Variants in OTOGL observed in about 807,000 individuals in gnomAD.
OTOGL encodes otogelin like, also known as otogelin-like protein.
Under a neutral mutation model 318.5 loss-of-function variants are expected in OTOGL, and 285 were observed. The ratio of observed to expected loss-of-function variants is 0.89; its 90% CI spans 0.81 to 0.99. The LOEUF is 0.99. Ranked by LOEUF, OTOGL falls within the 50% of genes least tolerant of loss-of-function variation. OTOGL has a pLI of 0.00. For synonymous variants in OTOGL, 987 were observed against 936.5 expected, an observed-to-expected ratio of 1.05 and a Z score of -0.99; for missense variants, 2,899 against 2,845.6, an observed-to-expected ratio of 1.02 and a Z score of -0.43.
At chr12:80,178,838 G>A (rs559637050) in intron 1 of OTOGL, among the ~76,000 whole-genome samples, 1 of 152,248 alleles carries the variant, frequency 6.6e-6, no homozygotes, top group Admixed American at 6.5e-5. Context: ...TTTGCCATTT[G>A]TACATTTGTA....
At chr12:80,118,640 G>A (rs539414574) in intron 1 of OTOGL, among the ~76,000 whole-genome samples, 1 of 152,304 alleles carries the variant, frequency 6.6e-6, no homozygotes, top group South Asian at 2.1e-4. Context: ...ATTTCAAACA[G>A]CATTTGCTTT....
chr12:80,183,398 T>C (rs191449324), intron 1 of OTOGL, among the ~76,000 whole-genome samples: 12 of 152,332 alleles, frequency 7.9e-5, no homozygotes, highest in Non-Finnish European at 1.3e-4. Context: ...GGCTTTTTGT[T>C]TCTTTTGGTC....
intron 37 of OTOGL, among the ~76,000 whole-genome samples, chr12:80,330,971 A>T (rs371802739): frequency 4.1e-4 from 63 of 152,362 alleles, no homozygotes; most frequent in African/African-American, 1.5e-3. Context: ...TGTTGATAGA[A>T]TTAAGAAGCT....
chr12:80,159,502 T>C (rs1343522802), intron 1 of OTOGL, among the ~76,000 whole-genome samples: 2 of 152,004 alleles, frequency 1.3e-5, no homozygotes, highest in East Asian at 3.9e-4. Context: ...ACCATTTCAA[T>C]CTTACTGCTT....
At chr12:80,118,229 T>C (rs138345296) in intron 1 of OTOGL, among the ~76,000 whole-genome samples, 187 of 152,322 alleles carry the variant, frequency 1.2e-3, no homozygotes, top group South Asian at 3.7e-3. Context: ...GAGGAAATTA[T>C]GCTGCCAAGA....
At chr12:80,344,012 C>A (rs1889005023) in intron 44 of OTOGL, among the ~76,000 whole-genome samples, 1 of 152,152 alleles carries the variant, frequency 6.6e-6, no homozygotes, top group Non-Finnish European at 1.5e-5. Context: ...CTGTGAATGA[C>A]TTTTGATGCT....
intron 26 of OTOGL, among the ~76,000 whole-genome samples, chr12:80,286,391 A>G (rs889642790): frequency 2.0e-5 from 3 of 152,216 alleles, no homozygotes; most frequent in Admixed American, 2.0e-4. Flanking sequence ...TCCACATAAA[A>G]TGAGTTAGGG....
intron 42 of OTOGL, among the ~76,000 whole-genome samples, chr12:80,337,815 A>T (rs1489097091): frequency 6.6e-6 from 1 of 152,162 alleles, no homozygotes; most frequent in East Asian, 1.9e-4. Flanking sequence ...AAATGTAAGA[A>T]GATATTTAAA....
chr12:80,207,078 TACTA>T (rs745679977), intron 1 of OTOGL, among the ~76,000 whole-genome samples: 3 of 136,192 alleles, frequency 2.2e-5, no homozygotes, highest in Non-Finnish European at 5.0e-5. Flanking sequence ...CATTGCTGCT[TACTA>T]ACTTTTTTTA....
At chr12:80,375,098 C>T (rs923621760) in intron 57 of OTOGL, among the ~76,000 whole-genome samples, 9 of 152,118 alleles carry the variant, frequency 5.9e-5, no homozygotes, top group Non-Finnish European at 1.0e-4. Context: ...TGAAAGGACT[C>T]GTAATGTAGT....
At chr12:80,294,924 C>CA (rs1211480593) in intron 26 of OTOGL, among the ~76,000 whole-genome samples, 1 of 151,926 alleles carries the variant, frequency 6.6e-6, no homozygotes, top group Non-Finnish European at 1.5e-5. Flanking sequence ...CCTGCCTCTA[C>CA]AAAAAAATTT....
At chr12:80,142,706 C>A (rs1032986103) in intron 1 of OTOGL, among the ~76,000 whole-genome samples, 3 of 152,066 alleles carry the variant, frequency 2.0e-5, no homozygotes, top group Admixed American at 6.6e-5. Context: ...TTCTGTCTAT[C>A]CCCACTGCTT....
intron 42 of OTOGL, among the ~76,000 whole-genome samples, chr12:80,338,426 G>A (rs552875360): frequency 6.6e-6 from 1 of 152,018 alleles, no homozygotes; most frequent in East Asian, 1.9e-4. Flanking sequence ...GCATAACTTC[G>A]AGAAATTTGC....
chr12:80,180,574 GC>G (rs1874851181), intron 1 of OTOGL, among the ~76,000 whole-genome samples: 1 of 152,178 alleles, frequency 6.6e-6, no homozygotes, highest in South Asian at 2.1e-4. Context: ...TGTTGTGGAA[GC>G]CCCATTTAAG....
chr12:80,191,284 A>G (rs927139056), intron 1 of OTOGL, among the ~76,000 whole-genome samples: 2 of 152,118 alleles, frequency 1.3e-5, no homozygotes, highest in African/African-American at 4.8e-5. Context: ...CTAAAAACAC[A>G]AAAATTAGCC....
At chr12:80,320,272 C>G in intron 33 of OTOGL, 150 bp from the exon 34 acceptor site, 1 of 628,200 alleles carries the variant, frequency 1.6e-6, no homozygotes, top group Non-Finnish European at 2.4e-6. Context: ...TCAAGCATCT[C>G]CTAGTTTATT....
chr12:80,311,568 G>A (rs974316855), intron 30 of OTOGL, among the ~76,000 whole-genome samples: 17 of 152,142 alleles, frequency 1.1e-4, no homozygotes, highest in South Asian at 1.0e-3. Flanking sequence ...GATTGTAGAC[G>A]GCAAATTTTT....
chr12:80,148,188 G>T (rs1015353174), intron 1 of OTOGL, among the ~76,000 whole-genome samples: 1 of 151,216 alleles, frequency 6.6e-6, no homozygotes, highest in South Asian at 2.1e-4. Context: ...GCAGCGGCTG[G>T]TACCGGTTGT....
intron 1 of OTOGL, among the ~76,000 whole-genome samples, chr12:80,149,800 C>A (rs571931664): frequency 1.3e-5 from 2 of 152,234 alleles, no homozygotes; most frequent in Admixed American, 1.3e-4. Context: ...GTCGGAAAAG[C>A]GCAGTATTCG....
Sources: allele counts gnomAD v4.1 joint callset (sites outside exome capture counted in the v4.1 genomes callset), GRCh38; gene constraint gnomAD v4.1.1; transcripts MANE v1.5; gene names NCBI Gene and HGNC (gene_info 2026-07-23, HGNC 2026-07-21).